PDC: variants seen among roughly 807,000 people sequenced by gnomAD.
PDC encodes the protein phosducin.
PDC carries 19 observed loss-of-function variants against 22.2 expected under a neutral mutation model. The observed-to-expected ratio is 0.86, with a 90% CI of 0.60 to 1.26. The LOEUF (loss-of-function observed/expected upper bound fraction) is 1.26, where lower values mean the gene tolerates loss of function less well. Among genes scored for constraint, PDC ranks in the 50% most tolerant of loss-of-function variants. PDC has a pLI of 0.00. For synonymous variants in PDC, 97 were observed against 96.2 expected, an observed-to-expected ratio of 1.01 and a Z score of -0.05; for missense variants, 274 against 286.8, an observed-to-expected ratio of 0.96 and a Z score of 0.32.
intron 1 of PDC, among the ~76,000 whole-genome samples, chr1:186,458,032 G>C (rs1443245913): frequency 6.6e-6 from 1 of 152,070 alleles, no homozygotes; most frequent in Non-Finnish European, 1.5e-5. Flanking sequence ...GGGCAGGGGA[G>C]TTGTAGGGAG....
At position 186,443,965 on chromosome 1, in the gene PDC, G is replaced by T. The variant is rs1422522854; in HGVS notation, c.*14C>A. 1.9e-6 allele frequency: 3 copies of T among 1,576,996 alleles called. No homozygotes were observed. The highest frequency in any genetic ancestry group is 2.7e-5 in the African/African-American group (2 of 73,996). On this transcript the variant is annotated 3_prime_UTR_variant, in exon 4 of 4. Coordinates refer to ENST00000391997, the MANE Select transcript of PDC (RefSeq NM_002597.5). ...ACCTAAAGGATAAACATGAGATATT[G>T]ACATAGTGAATCTTCATTCAACATC...
chr1:186,458,818 G>A (rs1403913831), intron 1 of PDC, among the ~76,000 whole-genome samples: 1 of 152,162 alleles, frequency 6.6e-6, no homozygotes, highest in African/African-American at 2.4e-5. Flanking sequence ...GAGGGCATAC[G>A]CCCCTCTGAT....
Position 186,444,084 on chromosome 1 carries a change from A to G in PDC, c.636T>C (p.Phe212=). ...ISVAEQFAEE[F]FAGDVESFLN... ...GGAAAGACTCCACATCCCCAGCAAA[A>G]AATTCTTCAGCAAACTGTTCAGCAA... The change falls in exon 4 of 4, where the codon TTT becomes TTC. Residue 212 remains phenylalanine (F), a synonymous_variant. Coordinates refer to ENST00000391997, the MANE Select transcript of PDC (RefSeq NM_002597.5). 2 of 1,613,916 alleles carry G rather than the reference A, an allele frequency of 1.2e-6. No homozygotes were observed. Among genetic ancestry groups the G allele is most frequent in the Non-Finnish European group, 1.7e-6 (2 of 1,179,854 alleles).
At chr1:186,454,306 GT>G (rs1410280268) in intron 1 of PDC, among the ~76,000 whole-genome samples, 9 of 150,612 alleles carry the variant, frequency 6.0e-5, no homozygotes, top group African/African-American at 2.2e-4. Context: ...AGCCTCCCAA[GT>G]AGCTGGGATT....
Position 186,444,232 on chromosome 1 carries a change from G to A in PDC, c.488C>T (p.Pro163Leu). The part of the protein sequence containing the change: ...SSLTCLAAEY[P>L]IVKFCKIKAS... ...TTTTATTTTACAAAACTTAACTATA[G>A]GGTATTCTGCTGCAAGGCATGTTAA... Residue 163 changes from proline (P) to leucine (L), a missense_variant, in exon 4 of 4, where the codon CCT becomes CTT. Pro to Leu is a moderately conservative substitution (Grantham distance 98, BLOSUM62 -3). Coordinates refer to ENST00000391997, the MANE Select transcript of PDC (RefSeq NM_002597.5). 6.2e-7 allele frequency: 1 copy of A among 1,614,018 alleles called. No individual in the cohort carries two copies. Among genetic ancestry groups the A allele is most frequent in the South Asian group, 1.1e-5 (1 of 91,072 alleles).
At chr1:186,459,750 G>GTATATATATATATATATA (rs1558134643) in intron 1 of PDC, among the ~76,000 whole-genome samples, 2 of 68,598 alleles carry the variant, frequency 2.9e-5, no homozygotes, top group Admixed American at 3.7e-4. Flanking sequence ...ATGTGTGTGT[G>GTATATATATATATATATA]TGTATATATA....
At chr1:186,455,797 T>TAAAAAAAAAAAA (rs71104862) in intron 1 of PDC, among the ~76,000 whole-genome samples, 4 of 39,368 alleles carry the variant, frequency 1.0e-4, no homozygotes, top group Admixed American at 3.3e-4. Flanking sequence ...CCGTCTCTAC[T>TAAAAAAAAAAAA]AAAAAAAAAA....
At chr1:186,452,381 G>A (rs556349457) in intron 1 of PDC, among the ~76,000 whole-genome samples, 248 of 152,188 alleles carry the variant, frequency 1.6e-3, no homozygotes, top group African/African-American at 5.4e-3. Flanking sequence ...GGGATTACAG[G>A]CATGGGCCAC....
intron 2 of PDC, among the ~76,000 whole-genome samples, chr1:186,447,039 G>C (rs1176963619): frequency 6.6e-6 from 1 of 152,124 alleles, no homozygotes; most frequent in Non-Finnish European, 1.5e-5. Flanking sequence ...TGGTGAGCAG[G>C]GGGCCTGACC....
Position 186,446,526 on chromosome 1 carries a change from T to C in PDC, c.113A>G (p.Asp38Gly). 6.3e-7 allele frequency: 1 copy of C among 1,597,512 alleles called. No homozygotes were observed. Among genetic ancestry groups the C allele is most frequent in the Non-Finnish European group, 8.6e-7 (1 of 1,166,528 alleles). ...DWRKFKLESQDSDSIPPSKKE... is the reference protein window; with the variant it reads ...DWRKFKLESQGSDSIPPSKKE... ...CTTGCTAGGTGGAATTGAATCACTG[T>C]CTTGACTCTCTAATTTAAACTTTCT... Residue 38 changes from aspartate (D) to glycine (G), a missense_variant, in exon 3 of 4, where the codon GAC becomes GGC. By Grantham distance (94) the Asp-to-Gly change is moderately conservative. Transcript: ENST00000391997.
intron 3 of PDC, 119 bp from the exon 4 acceptor site, chr1:186,444,625 A>G (rs1410786907): frequency 8.0e-6 from 5 of 626,232 alleles, no homozygotes; most frequent in Non-Finnish European, 1.4e-5. Context: ...TGGACCACCT[A>G]CCTTTCACTC....
At chr1:186,445,788 T>C (rs370690466) in intron 3 of PDC, among the ~76,000 whole-genome samples, 3 of 152,124 alleles carry the variant, frequency 2.0e-5, no homozygotes, top group East Asian at 3.9e-4. Flanking sequence ...AATGAGACTC[T>C]GTCTCAAAAT....
chr1:186,458,192 C>T (rs1662506582), intron 1 of PDC, among the ~76,000 whole-genome samples: 1 of 146,552 alleles, frequency 6.8e-6, no homozygotes. Context: ...AGACATCCAC[C>T]TATCCAAGTT....
rs761512549 is a variant in PDC at position 186,446,469 on chromosome 1, TGAG to T, written c.167_169del (p.Pro56del). On this transcript the variant is annotated inframe_deletion, in exon 3 of 4. Coordinates refer to ENST00000391997, the MANE Select transcript of PDC (RefSeq NM_002597.5). ...CTTTGAATCTTTGCCATTCCTACTCTGAGGAGAAGACATTTGCCTGAGAATCTC... is the reference window on the plus strand; with the variant it reads ...CTTTGAATCTTTGCCATTCCTACTCTGAGAAGACATTTGCCTGAGAATCTC... 1.9e-6 allele frequency: 3 copies of T among 1,609,370 alleles called. No individual in the cohort carries two copies. Among genetic ancestry groups the T allele is most frequent in the East Asian group, 2.2e-5 (1 of 44,766 alleles).
chr1:186,449,530 G>A (rs1009973126), intron 1 of PDC, 47 bp from the exon 2 acceptor site: 9 of 942,550 alleles, frequency 9.5e-6, no homozygotes, highest in Admixed American at 1.7e-5. Flanking sequence ...ATTCCAGGAT[G>A]TACATACATA....
Position 186,443,742 on chromosome 1 carries a change from C to T in PDC, c.*237G>A, listed in dbSNP as rs1242524282. 1 of 428,002 alleles carries T rather than the reference C, an allele frequency of 2.3e-6. No homozygotes were observed. The highest frequency in any genetic ancestry group is 3.9e-5 in the Admixed American group (1 of 25,528). The allele number at this position is 428,002 out of a possible 1,614,324, so 26.5% of individuals were successfully genotyped here. A position where few individuals can be genotyped will look rare whatever the true frequency, so the allele number is the denominator to read the frequency against. On this transcript the variant is annotated 3_prime_UTR_variant, in exon 4 of 4. Transcript: ENST00000391997. ...TTGAAAAATGTCATAATATTATCCA[C>T]ATCCTCTTTGTCTACTAATAATGTT...
intron 2 of PDC, among the ~76,000 whole-genome samples, chr1:186,447,221 T>C (rs1215429269): frequency 6.6e-6 from 1 of 152,068 alleles, no homozygotes. Context: ...TGATTTTGGC[T>C]CACCGCAACC....
chr1:186,449,036 A>G (rs1662293805), intron 2 of PDC, among the ~76,000 whole-genome samples: 1 of 152,108 alleles, frequency 6.6e-6, no homozygotes, highest in South Asian at 2.1e-4. Flanking sequence ...ATTAAAGGCC[A>G]TTTATTAACC....
At chr1:186,455,344 A>G (rs1662435055) in intron 1 of PDC, among the ~76,000 whole-genome samples, 1 of 152,186 alleles carries the variant, frequency 6.6e-6, no homozygotes, top group Non-Finnish European at 1.5e-5. Flanking sequence ...ATTTCTAAAT[A>G]CTGTCATATT....
Sources: allele counts gnomAD v4.1 joint callset (sites outside exome capture counted in the v4.1 genomes callset), GRCh38; gene constraint gnomAD v4.1.1; transcripts MANE v1.5; gene names NCBI Gene and HGNC (gene_info 2026-07-23, HGNC 2026-07-21).